The following SOX5 variants were observed in gnomAD, a reference collection of about 807,000 sequenced individuals.
SOX5 encodes transcription factor SOX-5.
Under a neutral mutation model 92.0 loss-of-function variants are expected in SOX5, and 9 were observed. That is an observed-to-expected ratio of 0.10 (90% CI 0.06 to 0.17). The LOEUF (loss-of-function observed/expected upper bound fraction) is 0.17. Ranked by LOEUF, SOX5 falls within the 10% of genes least tolerant of loss-of-function variation. The pLI, the probability that SOX5 is intolerant of heterozygous loss-of-function variation, is 1.00. For missense variants in SOX5, 642 were observed against 944.5 expected, an observed-to-expected ratio of 0.68 and a Z score of 4.20; for synonymous variants, 344 against 336.3, an observed-to-expected ratio of 1.02 and a Z score of -0.25.
At chr12:24,142,791 C>G (rs1049474187) in intron 4 of SOX5, among the ~76,000 whole-genome samples, 1 of 151,044 alleles carries the variant, frequency 6.6e-6, no homozygotes, top group African/African-American at 2.4e-5. Flanking sequence ...TAAACGCCAC[C>G]TTAGTGAAGA....
intron 2 of SOX5, among the ~76,000 whole-genome samples, chr12:23,891,604 C>T (rs908340673): frequency 2.4e-5 from 2 of 81,700 alleles, no homozygotes; most frequent in African/African-American, 8.3e-5. Flanking sequence ...GAAAAGCTGC[C>T]TTCTTTTTTT....
At chr12:23,695,714 A>C (rs896541325) in intron 6 of SOX5, among the ~76,000 whole-genome samples, 1 of 151,968 alleles carries the variant, frequency 6.6e-6, no homozygotes, top group African/African-American at 2.4e-5. Flanking sequence ...GGCCAAGGCG[A>C]GTGGATCACG....
intron 6 of SOX5, among the ~76,000 whole-genome samples, chr12:23,700,956 T>C (rs538711025): frequency 6.6e-6 from 1 of 151,788 alleles, no homozygotes; most frequent in East Asian, 1.9e-4. Flanking sequence ...AATATATATG[T>C]GTGTATATAT....
chr12:24,143,862 GAGGAGA>G (rs1204612183), intron 4 of SOX5, among the ~76,000 whole-genome samples: 1 of 151,392 alleles, frequency 6.6e-6, no homozygotes, highest in Non-Finnish European at 1.5e-5. Context: ...AAAGAAGAAG[GAGGAGA>G]AGGAGGAGGA....
intron 1 of SOX5, among the ~76,000 whole-genome samples, chr12:24,437,738 C>A (rs149739268): frequency 6.6e-6 from 1 of 152,144 alleles, no homozygotes; most frequent in Admixed American, 6.5e-5. Flanking sequence ...AGTGAGATAC[C>A]ATCTTATGCC....
chr12:23,773,655 A>C (rs1000364147), intron 3 of SOX5, among the ~76,000 whole-genome samples: 1 of 152,112 alleles, frequency 6.6e-6, no homozygotes, highest in African/African-American at 2.4e-5. Flanking sequence ...TACAGGCGTG[A>C]GCCACTGTGC....
chr12:23,911,278 T>C (rs1317534007), intron 1 of SOX5, among the ~76,000 whole-genome samples: 1 of 152,024 alleles, frequency 6.6e-6, no homozygotes, highest in East Asian at 1.9e-4. Context: ...CCCAAAAAAA[T>C]GTTATTTTGA....
At chr12:24,423,815 G>T (rs77351018) in intron 1 of SOX5, among the ~76,000 whole-genome samples, 1 of 152,134 alleles carries the variant, frequency 6.6e-6, no homozygotes, top group Non-Finnish European at 1.5e-5. Flanking sequence ...AATCACTTCC[G>T]CAGTCACAGA....
chr12:24,519,082 A>T (rs750042578), intron 1 of SOX5, among the ~76,000 whole-genome samples: 1 of 152,156 alleles, frequency 6.6e-6, no homozygotes, highest in Non-Finnish European at 1.5e-5. Context: ...CAGAGCTGAG[A>T]AATTGAGAAC....
intron 14 of SOX5, among the ~76,000 whole-genome samples, chr12:23,535,479 TCTC>T (rs1348956523): frequency 2.0e-5 from 3 of 152,242 alleles, no homozygotes; most frequent in South Asian, 2.1e-4. Context: ...AGAGACCCTG[TCTC>T]CTCATTTTTG....
At chr12:23,609,481 G>C (rs2075688175) in intron 8 of SOX5, among the ~76,000 whole-genome samples, 1 of 152,100 alleles carries the variant, frequency 6.6e-6, no homozygotes. Context: ...ATAATTTCAA[G>C]TTCATAGCAT....
At chr12:24,116,092 G>C (rs1231080946) in intron 4 of SOX5, among the ~76,000 whole-genome samples, 1 of 152,072 alleles carries the variant, frequency 6.6e-6, no homozygotes, top group Non-Finnish European at 1.5e-5. Flanking sequence ...CAAAAGATGG[G>C]GGGAAAAGAG....
chr12:24,417,207 T>G (rs1029210766), intron 1 of SOX5, among the ~76,000 whole-genome samples: 3 of 152,230 alleles, frequency 2.0e-5, no homozygotes, highest in South Asian at 4.1e-4. Context: ...GAGAGACTGA[T>G]GCCTAGAGAC....
At chr12:23,567,361 G>A (rs1947311395) in intron 10 of SOX5, among the ~76,000 whole-genome samples, 1 of 151,432 alleles carries the variant, frequency 6.6e-6, no homozygotes, top group African/African-American at 2.4e-5. Flanking sequence ...ATAACTTCCA[G>A]TTAACATCTC....
At chr12:23,652,580 A>G (rs1159972287) in intron 7 of SOX5, among the ~76,000 whole-genome samples, 3 of 147,616 alleles carry the variant, frequency 2.0e-5, no homozygotes, top group Non-Finnish European at 4.4e-5. Flanking sequence ...CTTCACATGT[A>G]CAAAATGTAA....
intron 1 of SOX5, among the ~76,000 whole-genome samples, chr12:24,445,631 T>A (rs1449714786): frequency 6.6e-6 from 1 of 152,242 alleles, no homozygotes; most frequent in Non-Finnish European, 1.5e-5. Context: ...GATAATGGCA[T>A]AAATAGGCAA....
At chr12:23,941,731 G>T (rs1943684911) in intron 1 of SOX5, among the ~76,000 whole-genome samples, 1 of 151,536 alleles carries the variant, frequency 6.6e-6, no homozygotes, top group Non-Finnish European at 1.5e-5. Flanking sequence ...AGTTGAATTA[G>T]TGAATGCATA....
intron 1 of SOX5, among the ~76,000 whole-genome samples, chr12:24,539,648 A>T (rs1375210093): frequency 6.6e-6 from 1 of 152,112 alleles, no homozygotes; most frequent in Non-Finnish European, 1.5e-5. Context: ...CTCTCCTTAT[A>T]CTCAGAAAAG....
intron 6 of SOX5, among the ~76,000 whole-genome samples, chr12:23,706,625 G>C (rs1036081811): frequency 1.3e-5 from 2 of 151,814 alleles, no homozygotes; most frequent in Non-Finnish European, 2.9e-5. Context: ...GTACAGAAAA[G>C]TACATTTATT....
Sources: allele counts gnomAD v4.1 joint callset (sites outside exome capture counted in the v4.1 genomes callset), GRCh38; gene constraint gnomAD v4.1.1; transcripts MANE v1.5; gene names NCBI Gene and HGNC (gene_info 2026-07-23, HGNC 2026-07-21).